ACYP2: variants seen among roughly 807,000 people sequenced by gnomAD.
ACYP2 encodes the protein acylphosphatase-2.
ACYP2 carries 12 observed loss-of-function variants against 11.2 expected under a neutral mutation model. That is an observed-to-expected ratio of 1.08 (90% confidence interval 0.69 to 1.74). ACYP2 has a LOEUF of 1.74. ACYP2 is among the 40% of genes most tolerant of loss of function. The pLI is 0.00. For synonymous variants in ACYP2, 43 were observed against 32.2 expected, an observed-to-expected ratio of 1.33 and a Z score of -1.13; for missense variants, 134 against 101.9, an observed-to-expected ratio of 1.31 and a Z score of -1.35.
chr2:54,084,305 T>C (rs1677829548), intron 4 of ACYP2, among the ~76,000 whole-genome samples: 1 of 152,194 alleles, frequency 6.6e-6, no homozygotes, highest in African/African-American at 2.4e-5. Context: ...TTTCTTTCTT[T>C]CTTTTCTGAG....
At chr2:54,284,089 T>C (rs860056) in intron 6 of ACYP2, among the ~76,000 whole-genome samples, 81,088 of 152,108 alleles carry the variant, frequency 0.53, 22,720 homozygotes, top group African/African-American at 0.7. Flanking sequence ...CCAGCCTTAG[T>C]GACAACTCTC....
chr2:54,301,523 T>C (rs1287801499), intron 6 of ACYP2, among the ~76,000 whole-genome samples: 4 of 152,188 alleles, frequency 2.6e-5, no homozygotes, highest in East Asian at 1.9e-4. Context: ...TAAATCTCTA[T>C]GTATGCCCTC....
intron 6 of ACYP2, among the ~76,000 whole-genome samples, chr2:54,190,342 C>T (rs1286022384): frequency 6.6e-6 from 1 of 152,060 alleles, no homozygotes; most frequent in Non-Finnish European, 1.5e-5. Context: ...CACATATTGT[C>T]CCATTTTTTT....
chr2:54,255,650 C>T (rs759178976), intron 6 of ACYP2: 6 of 1,613,674 alleles, frequency 3.7e-6, no homozygotes, highest in African/African-American at 1.3e-5. Flanking sequence ...ATTTCTTCGC[C>T]TCCTGGCTTC....
At chr2:54,219,901 A>ATTT (rs1359232223) in intron 6 of ACYP2, among the ~76,000 whole-genome samples, 16 of 107,934 alleles carry the variant, frequency 1.5e-4, no homozygotes, top group African/African-American at 2.4e-4. Context: ...ATATATATAT[A>ATTT]TATATTTTTT....
chr2:54,228,334 A>ATT (rs1473383092), intron 6 of ACYP2, among the ~76,000 whole-genome samples: 1 of 152,212 alleles, frequency 6.6e-6, no homozygotes, highest in African/African-American at 2.4e-5. Flanking sequence ...AACAGCTAAC[A>ATT]TTTATTAAGT....
intron 6 of ACYP2, chr2:54,141,732 CTTAACT>C: frequency 2.3e-6 from 1 of 429,832 alleles, no homozygotes; most frequent in Non-Finnish European, 4.2e-6. Flanking sequence ...TGTTTCCTCT[CTTAACT>C]TTAAGATACT....
At chr2:54,003,253 C>T (rs558982519) in intron 2 of ACYP2, among the ~76,000 whole-genome samples, 121 of 151,712 alleles carry the variant, frequency 8.0e-4, no homozygotes, top group African/African-American at 2.7e-3. Flanking sequence ...CAGCCGAGCT[C>T]GCTTATTTAT....
intron 4 of ACYP2, among the ~76,000 whole-genome samples, chr2:54,113,736 G>C (rs1429467322): frequency 6.6e-6 from 1 of 152,162 alleles, no homozygotes; most frequent in Non-Finnish European, 1.5e-5. Flanking sequence ...ATTCCAGATA[G>C]AGTAGACCCA....
chr2:54,049,753 C>T (rs913741078), intron 2 of ACYP2, among the ~76,000 whole-genome samples: 1 of 152,174 alleles, frequency 6.6e-6, no homozygotes, highest in African/African-American at 2.4e-5. Flanking sequence ...GAAGCTTGCT[C>T]ACATTTTTCC....
At chr2:53,973,855 ATG>A (rs573137716) in intron 2 of ACYP2, 8,148 of 123,940 alleles carry the variant, frequency 0.066, 646 homozygotes, top group Non-Finnish European at 0.071. Context: ...GGATATATAT[ATG>A]TGTGTGTGTG....
chr2:54,024,899 C>A (rs1326080256), intron 2 of ACYP2, among the ~76,000 whole-genome samples: 1 of 152,096 alleles, frequency 6.6e-6, no homozygotes, highest in Non-Finnish European at 1.5e-5. Flanking sequence ...CTTCAGAATA[C>A]AAAAATCAGT....
chr2:54,255,639 C>T (rs368698929), intron 6 of ACYP2: 8 of 1,613,632 alleles, frequency 5.0e-6, no homozygotes, highest in Non-Finnish European at 5.9e-6. Flanking sequence ...CCGCCACGTC[C>T]ATTTCTTCGC....
At chr2:54,099,486 A>G (rs1678771222) in intron 4 of ACYP2, among the ~76,000 whole-genome samples, 1 of 152,080 alleles carries the variant, frequency 6.6e-6, no homozygotes, top group Non-Finnish European at 1.5e-5. Flanking sequence ...CTCTGCTTCT[A>G]TGAGATCAGT....
chr2:54,192,223 T>A (rs942360923), intron 6 of ACYP2, among the ~76,000 whole-genome samples: 2 of 152,170 alleles, frequency 1.3e-5, no homozygotes, highest in African/African-American at 4.8e-5. Flanking sequence ...GGGAAATATT[T>A]TTTTCTCCTG....
chr2:54,265,957 C>A (rs943953295), intron 6 of ACYP2, among the ~76,000 whole-genome samples: 5 of 152,136 alleles, frequency 3.3e-5, no homozygotes, highest in Admixed American at 6.5e-5. Context: ...CTTCTTTTCA[C>A]GTGCCCATTG....
At chr2:53,990,754 C>G (rs1389491138) in intron 2 of ACYP2, among the ~76,000 whole-genome samples, 1 of 150,764 alleles carries the variant, frequency 6.6e-6, no homozygotes, top group Non-Finnish European at 1.5e-5. Context: ...GTTTCTGATT[C>G]AGTAGGTCTG....
intron 6 of ACYP2, among the ~76,000 whole-genome samples, chr2:54,187,126 G>A (rs566719101): frequency 1.3e-5 from 2 of 152,202 alleles, no homozygotes; most frequent in South Asian, 4.1e-4. Context: ...GAATGTGTAC[G>A]TTTACTATAA....
chr2:54,023,312 T>C (rs1366511123), intron 2 of ACYP2, among the ~76,000 whole-genome samples: 2 of 152,170 alleles, frequency 1.3e-5, no homozygotes, highest in East Asian at 3.8e-4. Flanking sequence ...TTTAACTTTA[T>C]AAGAAATGTC....
Sources: gnomAD v4.1 joint callset for allele counts (sites outside exome capture counted in the v4.1 genomes callset) on GRCh38, gnomAD v4.1.1 for gene constraint, MANE v1.5 for transcripts, NCBI Gene and HGNC (gene_info 2026-07-23, HGNC 2026-07-21) for gene names.